The following GMDS variants were observed in gnomAD, a reference collection of about 807,000 sequenced individuals.
GMDS encodes GDP-mannose 4,6 dehydratase.
In GMDS, 20 loss-of-function variants were observed where a neutral mutation model predicts 49.9. The ratio of observed to expected loss-of-function variants is 0.40; its 90% confidence interval spans 0.28 to 0.58. GMDS has a LOEUF of 0.58. Among genes scored for constraint, GMDS ranks in the 20% least tolerant of loss-of-function variants. GMDS has a pLI of 0.42. For synonymous variants in GMDS, 177 were observed against 178.6 expected (o/e 0.99, Z 0.07); for missense variants, 362 against 481.4 (o/e 0.75, Z 2.32).
rs1763369484 is a variant in GMDS at position 1,952,118 on chromosome 6, G to GT, written c.643+7748dup. The GT allele has an allele frequency of 1.8e-5, 6 of 338,120 alleles. No homozygotes were observed. In the East Asian group the frequency reaches 1.0e-3, roughly 57 times the overall value. The allele number at this position is 338,120 out of a possible 1,614,324, so 20.9% of individuals were successfully genotyped here. A position where few individuals can be genotyped will look rare whatever the true frequency, so the allele number is the denominator to read the frequency against. ...GACAACTCAATCTCATGCTGCTTCT[G>GT]TTTCCTCATTGCTGAAAAAAGGGAG... is the stretch of plus-strand genomic sequence containing the variant. On this transcript the variant is annotated intron_variant, in intron 6 of 10. Transcript: ENST00000380815.
chr6:1,629,618 C>T (rs930107245), intron 9 of GMDS, among the ~76,000 whole-genome samples: 6 of 152,284 alleles, frequency 3.9e-5, no homozygotes, highest in African/African-American at 9.6e-5. Flanking sequence ...CAATCAGCGA[C>T]GGTGTAGACT....
intron 7 of GMDS, among the ~76,000 whole-genome samples, chr6:1,810,193 C>A (rs1770359200): frequency 6.6e-6 from 1 of 152,132 alleles, no homozygotes; most frequent in Non-Finnish European, 1.5e-5. Flanking sequence ...TGTCACAGAG[C>A]AGCCCCAGGT....
chr6:1,807,119 C>T (rs1303954880), intron 7 of GMDS, among the ~76,000 whole-genome samples: 1 of 151,952 alleles, frequency 6.6e-6, no homozygotes, highest in Non-Finnish European at 1.5e-5. Flanking sequence ...CAGGGCTCAC[C>T]GCAGCCTCAA....
chr6:1,776,841 C>T (rs1422609019), intron 7 of GMDS, among the ~76,000 whole-genome samples: 1 of 152,118 alleles, frequency 6.6e-6, no homozygotes, highest in Non-Finnish European at 1.5e-5. Flanking sequence ...CCTGAAAGAC[C>T]ATTAAACAGG....
At chr6:2,181,894 C>T (rs983241654) in intron 1 of GMDS, among the ~76,000 whole-genome samples, 2 of 152,192 alleles carry the variant, frequency 1.3e-5, no homozygotes. Context: ...ACATCTCTCA[C>T]TTTAAATAAA....
intron 4 of GMDS, among the ~76,000 whole-genome samples, chr6:2,028,599 G>A (rs978605405): frequency 6.6e-6 from 1 of 152,184 alleles, no homozygotes; most frequent in Non-Finnish European, 1.5e-5. Context: ...TGTAACGAAA[G>A]AGGAAGCACA....
At chr6:2,131,916 A>C (rs1260319427) in intron 1 of GMDS, among the ~76,000 whole-genome samples, 1 of 152,070 alleles carries the variant, frequency 6.6e-6, no homozygotes, top group African/African-American at 2.4e-5. Flanking sequence ...AGAGAAAAAA[A>C]AATCTTCATA....
At chr6:1,969,519 A>G (rs1035431374) in intron 4 of GMDS, among the ~76,000 whole-genome samples, 1 of 152,128 alleles carries the variant, frequency 6.6e-6, no homozygotes, top group Admixed American at 6.5e-5. Context: ...AACAAGAAGA[A>G]GAATATATGT....
At chr6:1,922,617 T>C (rs1761773091) in intron 7 of GMDS, among the ~76,000 whole-genome samples, 1 of 152,158 alleles carries the variant, frequency 6.6e-6, no homozygotes, top group South Asian at 2.1e-4. Flanking sequence ...TAGCCCGTCC[T>C]GTACCCCATC....
chr6:1,652,005 G>A (rs1456871377), intron 9 of GMDS, among the ~76,000 whole-genome samples: 1 of 151,930 alleles, frequency 6.6e-6, no homozygotes, highest in East Asian at 1.9e-4. Context: ...TGGCAGCAGT[G>A]CAGAACTCAG....
chr6:1,743,203 A>G (rs67800638), intron 7 of GMDS, among the ~76,000 whole-genome samples: 64,622 of 151,710 alleles, frequency 0.43, 14,333 homozygotes, highest in East Asian at 0.65. Context: ...CATTTATCCC[A>G]GAGTTAATGG....
intron 1 of GMDS, among the ~76,000 whole-genome samples, chr6:2,216,837 C>T (rs1482739515): frequency 6.6e-6 from 1 of 152,216 alleles, no homozygotes; most frequent in Non-Finnish European, 1.5e-5. Context: ...TTGGCTGCTT[C>T]CCACCCGCCT....
chr6:2,037,380 C>T (rs568155898), intron 4 of GMDS, among the ~76,000 whole-genome samples: 1 of 152,298 alleles, frequency 6.6e-6, no homozygotes, highest in Admixed American at 6.5e-5. Context: ...CACTGAAGTA[C>T]GCTGGTTCAC....
At chr6:1,673,218 C>T (rs760603206) in intron 9 of GMDS, among the ~76,000 whole-genome samples, 31 of 152,144 alleles carry the variant, frequency 2.0e-4, no homozygotes, top group Non-Finnish European at 8.8e-5. Context: ...CCGATGCCTG[C>T]ACAACACTGT....
chr6:1,988,539 C>T (rs549031815), intron 4 of GMDS, among the ~76,000 whole-genome samples: 4 of 152,156 alleles, frequency 2.6e-5, no homozygotes, highest in Non-Finnish European at 4.4e-5. Flanking sequence ...CCAGCTCACC[C>T]CAACTGCACG....
chr6:2,032,049 C>T (rs186244339), intron 4 of GMDS, among the ~76,000 whole-genome samples: 2 of 152,178 alleles, frequency 1.3e-5, no homozygotes, highest in Admixed American at 1.3e-4. Flanking sequence ...TGGGCACACA[C>T]AAAGATCCAT....
At chr6:2,173,759 C>T (rs1368674390) in intron 1 of GMDS, among the ~76,000 whole-genome samples, 2 of 152,282 alleles carry the variant, frequency 1.3e-5, no homozygotes, top group South Asian at 2.1e-4. Flanking sequence ...TTTATAAGTG[C>T]AATAAGCCCA....
rs142976442 is a variant in GMDS, at chr6:2,205,313, T to C, written c.102+40008A>G. Reference sequence around the variant, plus strand: ...CTACCTAAGTTCACCATTAGTTGCATATAAAACTCCCCCATTGAAAAGTTC... The same window carrying C: ...CTACCTAAGTTCACCATTAGTTGCACATAAAACTCCCCCATTGAAAAGTTC... On this transcript the variant is annotated intron_variant, in intron 1 of 10. Transcript: ENST00000380815. Among the ~76,000 whole-genome samples the C allele has an allele frequency of 3.8e-3, 581 of 152,338 alleles. 3 individuals carry two copies. Among genetic ancestry groups the C allele is most frequent in the Admixed American group, 7.6e-3 (117 of 15,300 alleles).
intron 1 of GMDS, among the ~76,000 whole-genome samples, chr6:2,221,822 C>T (rs2127590165): frequency 6.6e-6 from 1 of 152,222 alleles, no homozygotes; most frequent in Non-Finnish European, 1.5e-5. Flanking sequence ...AGAAAATACT[C>T]TCAGAATGTG....
Sources: allele counts gnomAD v4.1 joint callset (sites outside exome capture counted in the v4.1 genomes callset), GRCh38; gene constraint gnomAD v4.1.1; transcripts MANE v1.5; gene names NCBI Gene and HGNC (gene_info 2026-07-23, HGNC 2026-07-21).